Variants in C11orf65 observed in about 807,000 individuals in gnomAD.
C11orf65 encodes protein MFI.
C11orf65 carries 38 observed loss-of-function variants against 35.3 expected under a neutral mutation model. That is an observed-to-expected ratio of 1.08 (90% confidence interval 0.83 to 1.41). The LOEUF (loss-of-function observed/expected upper bound fraction) is 1.41, where lower values mean the gene tolerates loss of function less well. Among genes scored for constraint, C11orf65 ranks in the 40% most tolerant of loss-of-function variants. The pLI, the probability that C11orf65 is intolerant of heterozygous loss-of-function variation, is 0.00. For missense variants in C11orf65, 370 were observed against 367.1 expected, an observed-to-expected ratio of 1.01 and a Z score of -0.06; for synonymous variants, 105 against 114.4, an observed-to-expected ratio of 0.92 and a Z score of 0.53.
At chr11:108,403,455 C>G (rs940794174) in intron 6 of C11orf65, among the ~76,000 whole-genome samples, 1 of 87,924 alleles carries the variant, frequency 1.1e-5, no homozygotes, top group Non-Finnish European at 2.1e-5. Flanking sequence ...GATTCAAGAA[C>G]TTTGTCAGAT....
At chr11:108,420,323 T>C (rs1401939036) in intron 3 of C11orf65, among the ~76,000 whole-genome samples, 2 of 152,162 alleles carry the variant, frequency 1.3e-5, no homozygotes, top group Non-Finnish European at 2.9e-5. Flanking sequence ...TAGGGCTCAA[T>C]ACCTATGGAA....
At chr11:108,330,179 G>A (rs2136448898), downstream of C11orf65, 1 of 1,594,798 alleles carries the variant, frequency 6.3e-7, no homozygotes, top group Non-Finnish European at 8.6e-7. Flanking sequence ...TAAAGTTCAT[G>A]GCTTTTGTGT....
At chr11:108,459,907 A>C (rs1315285393) in intron 2 of C11orf65, among the ~76,000 whole-genome samples, 10 of 152,166 alleles carry the variant, frequency 6.6e-5, no homozygotes, top group Non-Finnish European at 1.5e-5. Flanking sequence ...AATAGCTGCA[A>C]ACGATAGAAA....
chr11:108,467,284 C>G (rs369683845), intron 1 of C11orf65, among the ~76,000 whole-genome samples, 187 bp downstream of exon 1: 16 of 152,198 alleles, frequency 1.1e-4, no homozygotes, highest in African/African-American at 3.6e-4. Flanking sequence ...GGACTGTAAA[C>G]CAGCTGGAGG....
At chr11:108,424,802 C>T (rs2092876481) in intron 3 of C11orf65, among the ~76,000 whole-genome samples, 1 of 152,174 alleles carries the variant, frequency 6.6e-6, no homozygotes, top group Admixed American at 6.5e-5. Flanking sequence ...GAAATCCTAC[C>T]AGTCTCTCAG....
chr11:108,365,048 T>A (rs530540893), intron 2 of C11orf65: 8 of 1,609,672 alleles, frequency 5.0e-6, no homozygotes, highest in Non-Finnish European at 6.8e-6. Flanking sequence ...AAAATGTACA[T>A]TGTTCTTTTA....
chr11:108,321,187 T>C, intron 6 of C11orf65: 3 of 1,372,706 alleles, frequency 2.2e-6, no homozygotes, highest in Non-Finnish European at 3.0e-6. Context: ...TTGTTAGTAT[T>C]ATTAGATCAG....
At chr11:108,389,743 G>T (rs1292265952) in intron 7 of C11orf65, among the ~76,000 whole-genome samples, 4 of 151,966 alleles carry the variant, frequency 2.6e-5, no homozygotes, top group African/African-American at 9.7e-5. Flanking sequence ...GCAGTGGCGC[G>T]ATCTCAGCTC....
At chr11:108,404,076 T>C (rs571869820) in intron 6 of C11orf65, among the ~76,000 whole-genome samples, 1 of 152,276 alleles carries the variant, frequency 6.6e-6, no homozygotes, top group East Asian at 1.9e-4. Flanking sequence ...TTTCTAACCA[T>C]GTTCTTTCCA....
At chr11:108,377,311 C>A (rs1472886701) in intron 2 of C11orf65, among the ~76,000 whole-genome samples, 2 of 152,144 alleles carry the variant, frequency 1.3e-5, no homozygotes, top group Non-Finnish European at 2.9e-5. Flanking sequence ...CCCTGGGATG[C>A]CAGGCTGGTT....
At chr11:108,358,909 A>G (rs1369793233) in intron 2 of C11orf65, among the ~76,000 whole-genome samples, 3 of 152,136 alleles carry the variant, frequency 2.0e-5, no homozygotes, top group African/African-American at 7.2e-5. Context: ...ATCACCAGCT[A>G]ACATCATAAT....
chr11:108,331,790 T>TAATA, intron 3 of C11orf65: 1 of 1,471,050 alleles, frequency 6.8e-7, no homozygotes, highest in Non-Finnish European at 9.4e-7. Flanking sequence ...ATCTAGACAG[T>TAATA]AATACACATT....
intron 2 of C11orf65, among the ~76,000 whole-genome samples, chr11:108,363,723 C>T (rs2091047111): frequency 6.6e-6 from 1 of 152,220 alleles, no homozygotes; most frequent in Admixed American, 6.5e-5. Flanking sequence ...CTGTTTCCAA[C>T]CACTTCTGTC....
At chr11:108,422,594 T>A (rs2092835356) in intron 3 of C11orf65, among the ~76,000 whole-genome samples, 2 of 152,128 alleles carry the variant, frequency 1.3e-5, no homozygotes, top group African/African-American at 4.8e-5. Flanking sequence ...AATGAGAATG[T>A]TGACCTGGGC....
At chr11:108,416,546 G>A (rs980119401) in intron 3 of C11orf65, among the ~76,000 whole-genome samples, 3 of 152,036 alleles carry the variant, frequency 2.0e-5, no homozygotes, top group African/African-American at 4.8e-5. Flanking sequence ...AGACGGGCGT[G>A]ATGGGGTGTG....
chr11:108,401,895 T>A (rs762502966), intron 6 of C11orf65, among the ~76,000 whole-genome samples: 5 of 152,208 alleles, frequency 3.3e-5, no homozygotes, highest in African/African-American at 1.2e-4. Context: ...ACCATTAACA[T>A]AATTTCTGGC....
downstream of C11orf65, among the ~76,000 whole-genome samples, chr11:108,382,077 C>G (rs533222573): frequency 3.9e-5 from 6 of 152,290 alleles, no homozygotes; most frequent in South Asian, 1.2e-3. Flanking sequence ...GAGGCAGATT[C>G]TCCAACCCAG....
At chr11:108,363,003 C>A (rs2090969160) in intron 2 of C11orf65, among the ~76,000 whole-genome samples, 1 of 152,000 alleles carries the variant, frequency 6.6e-6, no homozygotes, top group African/African-American at 2.4e-5. Context: ...AAAAAACACA[C>A]CCTCCAATGC....
chr11:108,464,984 T>G (rs2093517516), intron 1 of C11orf65, among the ~76,000 whole-genome samples: 1 of 152,154 alleles, frequency 6.6e-6, no homozygotes, highest in African/African-American at 2.4e-5. Flanking sequence ...AGTAAAAAAC[T>G]AAACGTAAAT....
Sources: allele counts gnomAD v4.1 joint callset (sites outside exome capture counted in the v4.1 genomes callset), GRCh38; gene constraint gnomAD v4.1.1; transcripts MANE v1.5; gene names NCBI Gene and HGNC (gene_info 2026-07-23, HGNC 2026-07-21).